The following P4HA1 variants were observed in gnomAD, a reference collection of about 807,000 sequenced individuals.
P4HA1 encodes the protein prolyl 4-hydroxylase subunit alpha-1.
In P4HA1, 24 loss-of-function variants were observed where a neutral mutation model predicts 72.8. That is an observed-to-expected ratio of 0.33 (90% CI 0.24 to 0.46). P4HA1 has a LOEUF of 0.46. P4HA1 is among the 20% of genes least tolerant of loss of function. The probability of loss-of-function intolerance (pLI) is 1.00; values close to 1 mark genes in which losing one functional copy is unlikely to be tolerated. For missense variants in P4HA1, 446 were observed against 640.6 expected (o/e 0.70, Z 3.28); for synonymous variants, 201 against 218.8 (o/e 0.92, Z 0.72).
chr10:73,019,960 G>A (rs1840097246), intron 10 of P4HA1, among the ~76,000 whole-genome samples: 1 of 151,884 alleles, frequency 6.6e-6, no homozygotes, highest in Admixed American at 6.6e-5. Context: ...GGAGAAGAAA[G>A]GTAAAAGGCA....
intron 10 of P4HA1, among the ~76,000 whole-genome samples, chr10:73,019,834 A>G (rs1345205075): frequency 6.6e-6 from 1 of 151,916 alleles, no homozygotes; most frequent in Non-Finnish European, 1.5e-5. Flanking sequence ...CTGAAGATAC[A>G]TTATTTAATA....
chr10:73,085,260 C>T (rs986521946), intron 1 of P4HA1, among the ~76,000 whole-genome samples: 2 of 152,078 alleles, frequency 1.3e-5, no homozygotes, highest in Non-Finnish European at 2.9e-5. Flanking sequence ...ATAAATTGAA[C>T]TTTGCCAAAA....
At chr10:73,048,995 G>C (rs189609232) in intron 7 of P4HA1, among the ~76,000 whole-genome samples, 1 of 152,212 alleles carries the variant, frequency 6.6e-6, no homozygotes, top group Admixed American at 6.5e-5. Flanking sequence ...TTAGCTGGGC[G>C]TGGTGGCAGG....
intron 9 of P4HA1, 120 bp downstream of exon 9, chr10:73,044,861 T>C (rs915381510): frequency 7.3e-6 from 5 of 686,712 alleles, no homozygotes; most frequent in African/African-American, 5.4e-5. Context: ...CCTGTTTATA[T>C]ACAGGGTGGT....
rs893534584 is a variant in P4HA1, at chr10:73,030,360, A to C, written c.1159T>G (p.Ser387Ala). 12 of 1,553,646 alleles carry C rather than the reference A, an allele frequency of 7.7e-6. No homozygotes were observed. The highest frequency in any genetic ancestry group is 1.4e-5 in the African/African-American group (1 of 74,040). The change falls in exon 10 of 15, where the codon TCT becomes GCT. Residue 387 changes from serine (S) to alanine (A), a missense_variant. Ser to Ala is a moderately conservative substitution (Grantham distance 99). Transcript: ENST00000394890. ...GACACCACAGGATTTTCATAGCCAG[A>C]GAGCCAGGCACTAAGAATAAGAGGA... Reference protein sequence around the residue: ...HYRISKSAWLSGYENPVVSRI... With the variant: ...HYRISKSAWLAGYENPVVSRI...
At chr10:73,068,757 G>T in intron 5 of P4HA1, 89 bp downstream of exon 5, 2 of 1,051,162 alleles carry the variant, frequency 1.9e-6, no homozygotes, top group Non-Finnish European at 2.8e-6. Context: ...ATCTTAAAAT[G>T]CAAGTCTTTT....
At chr10:73,045,704 G>A (rs1840839982) in intron 8 of P4HA1, among the ~76,000 whole-genome samples, 1 of 151,874 alleles carries the variant, frequency 6.6e-6, no homozygotes, top group African/African-American at 2.4e-5. Flanking sequence ...GGTTGTGAGA[G>A]CATGAAATTT....
At position 73,022,807 on chromosome 10, in the gene P4HA1, G is replaced by C. The variant is rs145223492; in HGVS notation, c.1249-5908C>G. Among the ~76,000 whole-genome samples, 29 of 152,300 alleles carry C rather than the reference G, an allele frequency of 1.9e-4. No homozygotes were observed. In the East Asian group the frequency reaches 4.2e-3, roughly 22 times the overall value. On this transcript the variant is annotated intron_variant, in intron 10 of 14. Coordinates refer to ENST00000394890, the MANE Select transcript of P4HA1 (RefSeq NM_001017962.3). ...GTGTAGAGAAGACCTTGAATGACCT[G>C]ATGGAGCTGAAAACCATGGCATAAG...
chr10:73,089,180 ATACT>A (rs377619519), intron 1 of P4HA1, among the ~76,000 whole-genome samples: 1 of 152,336 alleles, frequency 6.6e-6, no homozygotes, highest in African/African-American at 2.4e-5. Context: ...TGAAAAGTTA[ATACT>A]TAAGTATTTC....
At chr10:73,013,921 A>G (rs1839961829) in intron 12 of P4HA1, among the ~76,000 whole-genome samples, 1 of 152,162 alleles carries the variant, frequency 6.6e-6, no homozygotes, top group African/African-American at 2.4e-5. Flanking sequence ...TCAAATATAT[A>G]GAGATTTTTA....
chr10:73,074,382 C>A (rs1419551875), intron 2 of P4HA1, among the ~76,000 whole-genome samples: 1 of 151,988 alleles, frequency 6.6e-6, no homozygotes, highest in Non-Finnish European at 1.5e-5. Context: ...ACTTTGGAGG[C>A]CCAGCCAGGA....
At chr10:73,015,738 C>G (rs1334179547) in intron 11 of P4HA1, among the ~76,000 whole-genome samples, 1 of 152,166 alleles carries the variant, frequency 6.6e-6, no homozygotes, top group Admixed American at 6.5e-5. Flanking sequence ...CCTCCAGCCT[C>G]TGTGTTTTGT....
intron 1 of P4HA1, among the ~76,000 whole-genome samples, chr10:73,080,840 A>C (rs1841806131): frequency 6.6e-6 from 1 of 152,208 alleles, no homozygotes; most frequent in South Asian, 2.1e-4. Flanking sequence ...AGGCAGGAGA[A>C]TCACTTGAAC....
intron 9 of P4HA1, among the ~76,000 whole-genome samples, chr10:73,041,340 C>T (rs995044614): frequency 1.3e-5 from 2 of 151,896 alleles, no homozygotes; most frequent in African/African-American, 2.4e-5. Context: ...GTCAGGAGAT[C>T]GAGACCATCC....
chr10:73,047,222 T>C, intron 7 of P4HA1, 121 bp from the exon 8 acceptor site: 1 of 753,552 alleles, frequency 1.3e-6, no homozygotes, highest in Non-Finnish European at 2.2e-6. Context: ...TGGAAAAACA[T>C]ACAAAAGAAG....
intron 7 of P4HA1, among the ~76,000 whole-genome samples, chr10:73,048,146 TAA>T (rs778556259): frequency 2.6e-5 from 4 of 152,188 alleles, no homozygotes; most frequent in Admixed American, 6.5e-5. Context: ...CTAAAACAAA[TAA>T]TGATTCATGT....
intron 5 of P4HA1, among the ~76,000 whole-genome samples, chr10:73,062,803 G>A (rs186882195): frequency 1.3e-5 from 2 of 152,282 alleles, no homozygotes; most frequent in Admixed American, 6.5e-5. Flanking sequence ...TTATGGGCAC[G>A]TTTTGCTAGT....
chr10:73,063,046 G>A (rs879553005), intron 5 of P4HA1, among the ~76,000 whole-genome samples: 4 of 152,050 alleles, frequency 2.6e-5, no homozygotes, highest in Non-Finnish European at 4.4e-5. Flanking sequence ...TGAAGATGAA[G>A]ACCCACGTTT....
At chr10:73,072,205 GAATA>G in intron 3 of P4HA1, 25 bp from the exon 4 acceptor site, 1 of 1,566,424 alleles carries the variant, frequency 6.4e-7, no homozygotes, top group Non-Finnish European at 8.7e-7. Flanking sequence ...CATAAAAACT[GAATA>G]TTTATATTTC....
Sources: allele counts gnomAD v4.1 joint callset (sites outside exome capture counted in the v4.1 genomes callset), GRCh38; gene constraint gnomAD v4.1.1; transcripts MANE v1.5; gene names NCBI Gene and HGNC (gene_info 2026-07-23, HGNC 2026-07-21).